CCDC112: variants seen among roughly 807,000 people sequenced by gnomAD.
The protein encoded by CCDC112 is coiled-coil domain-containing protein 112.
A neutral mutation model predicts 66.3 loss-of-function variants in CCDC112; 40 were observed. The ratio of observed to expected loss-of-function variants is 0.60; its 90% CI spans 0.47 to 0.79. The LOEUF (loss-of-function observed/expected upper bound fraction) is 0.79, where lower values mean the gene tolerates loss of function less well. Among genes scored for constraint, CCDC112 ranks in the 30% least tolerant of loss-of-function variants. The pLI is 0.00. For synonymous variants in CCDC112, 214 were observed against 197.2 expected, an observed-to-expected ratio of 1.09 and a Z score of -0.71; for missense variants, 659 against 603.8, an observed-to-expected ratio of 1.09 and a Z score of -0.96.
chr5:115,275,818 AT>A (rs1284926817), intron 5 of CCDC112, among the ~76,000 whole-genome samples, 175 bp downstream of exon 5: 11 of 152,296 alleles, frequency 7.2e-5, no homozygotes, highest in African/African-American at 2.4e-4. Flanking sequence ...TATGAATAAA[AT>A]TTCGCTTTAA....
chr5:115,274,072 T>C (rs1749104931), intron 6 of CCDC112, among the ~76,000 whole-genome samples: 1 of 152,008 alleles, frequency 6.6e-6, no homozygotes, highest in South Asian at 2.1e-4. Flanking sequence ...ACCTTTTTGT[T>C]AAACCAGGTA....
chr5:115,295,683 C>T (rs774185208), intron 1 of CCDC112, among the ~76,000 whole-genome samples: 183 of 152,158 alleles, frequency 1.2e-3, no homozygotes, highest in Non-Finnish European at 9.3e-4. Context: ...ATTTCCAATA[C>T]TTTCTGCCCT....
In CCDC112 at chr5:115,269,791, T is replaced by C. The variant is rs1426344057; in HGVS notation, c.1340A>G (p.His447Arg). Reference protein sequence around the residue: ...EISRFQERDLHKLELKILDRQ... With the variant: ...EISRFQERDLRKLELKILDRQ... ...ATCTAGAATTTTCAGTTCAAGTTTATGTAAATCCTTAAAAAAAAAAACCCA... is the reference window on the plus strand; with the variant it reads ...ATCTAGAATTTTCAGTTCAAGTTTACGTAAATCCTTAAAAAAAAAAACCCA... The change falls in exon 8 of 10, where the codon CAT becomes CGT. Residue 447 changes from histidine (H) to arginine (R), a missense_variant. Physicochemically the swap from His to Arg is conservative, Grantham distance 29. Coordinates refer to ENST00000379611, the MANE Select transcript of CCDC112 (RefSeq NM_001040440.3). The C allele has an allele frequency of 1.3e-6, 2 of 1,555,110 alleles. No homozygotes were observed. The highest frequency in any genetic ancestry group is 1.7e-6 in the Non-Finnish European group (2 of 1,157,892).
At chr5:115,288,142 A>T (rs945008504) in intron 1 of CCDC112, among the ~76,000 whole-genome samples, 1 of 152,070 alleles carries the variant, frequency 6.6e-6, no homozygotes, top group Admixed American at 6.5e-5. Flanking sequence ...CACCACGCCC[A>T]GCTAATTTTT....
chr5:115,277,179 T>C, intron 3 of CCDC112, 125 bp from the exon 4 acceptor site: 1 of 584,770 alleles, frequency 1.7e-6, no homozygotes, highest in Non-Finnish European at 3.0e-6. Context: ...GAACAAAAGA[T>C]ATTTATGTCA....
At chr5:115,292,103 C>A (rs1218160275) in intron 1 of CCDC112, among the ~76,000 whole-genome samples, 1 of 151,952 alleles carries the variant, frequency 6.6e-6, no homozygotes, top group Non-Finnish European at 1.5e-5. Context: ...TTTCTCCTTT[C>A]CTTTCTTTCT....
At chr5:115,287,903 T>C (rs1273538287) in intron 1 of CCDC112, among the ~76,000 whole-genome samples, 3 of 152,132 alleles carry the variant, frequency 2.0e-5, no homozygotes, top group East Asian at 3.9e-4. Context: ...TGAGATTTTA[T>C]TGGTTGTGTT....
chr5:115,271,380 T>C lies in CCDC112; in HGVS notation c.1165A>G (p.Lys389Glu), dbSNP rs773264311. 3.7e-6 allele frequency: 6 copies of C among 1,610,924 alleles called. No homozygotes were observed. In the South Asian group the frequency reaches 5.6e-5, roughly 15 times the overall value. The change falls in exon 7 of 10, where the codon AAA becomes GAA. Residue 389 changes from lysine to glutamate, a missense_variant. Physicochemically the swap from Lys to Glu is moderately conservative, Grantham distance 56. Coordinates refer to ENST00000379611, the MANE Select transcript of CCDC112 (RefSeq NM_001040440.3). Reference protein sequence around the residue: ...EEEEKEKKHQKERQRQFKLKL... With the variant: ...EEEEKEKKHQEERQRQFKLKL... ...AACTTAAACTGGCGCTGGCGTTCTT[T>C]CTGATGTTTTTTCTCTTTCTCTTCT...
intron 9 of CCDC112, 62 bp from the exon 10 acceptor site, chr5:115,267,980 A>G: frequency 1.5e-6 from 2 of 1,317,356 alleles, no homozygotes; most frequent in Non-Finnish European, 2.2e-6. Context: ...AAAAAACCCT[A>G]TCTGATTAAG....
At position 115,271,268 on chromosome 5, in the gene CCDC112, T is replaced by C; in HGVS notation, c.1277A>G (p.Glu426Gly). 1 of 1,596,116 alleles carries C rather than the reference T, an allele frequency of 6.3e-7. No homozygotes were observed. The highest frequency in any genetic ancestry group is 8.5e-7 in the Non-Finnish European group (1 of 1,175,852). The change falls in exon 7 of 10, where the codon GAA (glutamate) becomes GGA (glycine). Residue 426 changes from glutamate to glycine, a missense_variant. Physicochemically the swap from Glu to Gly is moderately conservative, Grantham distance 98. Transcript: ENST00000379611. ...AGCATTTTTCCTTTTTTCTGCCTTT[T>C]CTGCCTTTTCCCTTATCTCCTTTTC... is the stretch of plus-strand genomic sequence containing the variant. ...RLEKEIREKA[E>G]KAEKRKNAAD...
chr5:115,295,752 T>TA (rs1295524312), intron 1 of CCDC112, among the ~76,000 whole-genome samples: 1 of 152,048 alleles, frequency 6.6e-6, no homozygotes, highest in African/African-American at 2.4e-5. Context: ...AGGAGAAACA[T>TA]AAACAATAGA....
At chr5:115,284,434 C>T (rs1010771018) in intron 2 of CCDC112, among the ~76,000 whole-genome samples, 16 of 152,164 alleles carry the variant, frequency 1.1e-4, no homozygotes, top group African/African-American at 2.9e-4. Context: ...AACACAAAAA[C>T]GATTCACTTC....
intron 9 of CCDC112, 51 bp from the exon 10 acceptor site, chr5:115,267,969 A>G (rs764020584): frequency 1.1e-5 from 16 of 1,401,564 alleles, no homozygotes; most frequent in Non-Finnish European, 1.3e-5. Context: ...AATTAAAAAG[A>G]AAAAAACCCT....
chr5:115,290,886 T>C (rs1023646878), intron 1 of CCDC112, among the ~76,000 whole-genome samples: 1 of 152,144 alleles, frequency 6.6e-6, no homozygotes, highest in Non-Finnish European at 1.5e-5. Flanking sequence ...TTTTTTTGTG[T>C]GTGTGTGAAT....
chr5:115,282,181 C>T (rs555693964), intron 2 of CCDC112, among the ~76,000 whole-genome samples: 1 of 152,230 alleles, frequency 6.6e-6, no homozygotes, highest in South Asian at 2.1e-4. Context: ...CTCTGTTCTA[C>T]GTACTGACAG....
In CCDC112 at chr5:115,275,235, A is replaced by T. The variant is rs1419289521; in HGVS notation, c.899T>A (p.Leu300Gln). 1.2e-6 allele frequency: 2 copies of T among 1,607,904 alleles called. No homozygotes were observed. The change falls in exon 6 of 10, where the codon CTA (leucine) becomes CAA (glutamine). Residue 300 changes from leucine to glutamine, a missense_variant. By Grantham distance (113) the Leu-to-Gln change is moderately radical (BLOSUM62 -2). Coordinates refer to ENST00000379611, the MANE Select transcript of CCDC112 (RefSeq NM_001040440.3). ...TATTACCTCTTTTTTTCTTTCTTCT[A>T]GAGCCAGAAACTTTTGATACCATTT... is the stretch of plus-strand genomic sequence containing the variant. ...HEKWYQKFLALEERKKESIQI... is the reference protein window; with the variant it reads ...HEKWYQKFLAQEERKKESIQI...
intron 6 of CCDC112, among the ~76,000 whole-genome samples, chr5:115,273,211 A>G (rs139336196): frequency 6.6e-6 from 1 of 152,308 alleles, no homozygotes; most frequent in African/African-American, 2.4e-5. Context: ...GCCAATTTTG[A>G]TAAGCTGGGA....
intron 1 of CCDC112, among the ~76,000 whole-genome samples, chr5:115,294,319 G>A (rs565475687): frequency 3.9e-5 from 6 of 152,300 alleles, no homozygotes; most frequent in South Asian, 2.1e-4. Flanking sequence ...GTTAAATGAG[G>A]TCATTAAGGT....
chr5:115,277,858 T>C (rs1749274980), intron 3 of CCDC112, among the ~76,000 whole-genome samples: 1 of 152,174 alleles, frequency 6.6e-6, no homozygotes. Flanking sequence ...TATTTTATCA[T>C]CTTGGGGTAT....
Sources: allele counts gnomAD v4.1 joint callset (sites outside exome capture counted in the v4.1 genomes callset), GRCh38; gene constraint gnomAD v4.1.1; transcripts MANE v1.5; gene names NCBI Gene and HGNC (gene_info 2026-07-23, HGNC 2026-07-21).